PLCH2: variants seen among roughly 807,000 people sequenced by gnomAD.
PLCH2 encodes the protein 1-phosphatidylinositol 4,5-bisphosphate phosphodiesterase eta-2.
In PLCH2, 98 loss-of-function variants were observed where a neutral mutation model predicts 134.7. That is an observed-to-expected ratio of 0.73 (90% CI 0.62 to 0.86). PLCH2 has a LOEUF of 0.86. PLCH2 is among the 40% of genes least tolerant of loss of function. The pLI is 0.00. For synonymous variants in PLCH2, 974 were observed against 827.5 expected, an observed-to-expected ratio of 1.18 and a Z score of -3.04; for missense variants, 1,994 against 1,986.6, an observed-to-expected ratio of 1.00 and a Z score of -0.07.
Position 2,431,148 on chromosome 1 carries a change from G to A in PLCH2, c.115+519G>A, listed in dbSNP as rs1029237087. ...CTGGCTGCCCTGCGTGTGCGTGTGCGTGTGTGTGTGTGTGCACACCGCTAT... is the reference window on the plus strand; with the variant it reads ...CTGGCTGCCCTGCGTGTGCGTGTGCATGTGTGTGTGTGTGCACACCGCTAT... On this transcript the variant is annotated intron_variant, in intron 2 of 3. Transcript: ENST00000609981. Among the ~76,000 whole-genome samples the A allele has an allele frequency of 3.6e-4, 55 of 151,222 alleles. 1 individual carries two copies. Among genetic ancestry groups the A allele is most frequent in the African/African-American group, 1.0e-3 (41 of 41,090 alleles).
chr1:2,420,778 G>C, the PLCH2 span, among the ~76,000 whole-genome samples: 1 of 152,180 alleles, frequency 6.6e-6, no homozygotes, highest in African/African-American at 2.4e-5. Flanking sequence ...GTGAGTGATC[G>C]ATCGATTCAT....
chr1:2,499,894 C>T, intron 20 of PLCH2, 174 bp downstream of exon 20: 1 of 635,142 alleles, frequency 1.6e-6, no homozygotes, highest in Non-Finnish European at 2.8e-6. Context: ...GGGGGCCTGG[C>T]TCCTGAGCCA....
chr1:2,474,558 C>T (rs55817548), upstream of PLCH2, among the ~76,000 whole-genome samples: 668 of 149,576 alleles, frequency 4.5e-3, 5 homozygotes, highest in African/African-American at 0.015. Flanking sequence ...AGGCAGATGG[C>T]GGCCTCCAAG....
In PLCH2 at chr1:2,505,066, G is replaced by T. The variant is rs759697553; in HGVS notation, c.4104G>T (p.Arg1368=). 130 of 1,538,492 alleles carry T rather than the reference G, an allele frequency of 8.4e-5. No homozygotes were observed. The highest frequency in any genetic ancestry group is 1.1e-4 in the Non-Finnish European group (125 of 1,149,634). The change falls in exon 22 of 22, where the codon CGG becomes CGT. Residue 1368 remains arginine, a synonymous_variant. Coordinates refer to ENST00000378486, the MANE Select transcript of PLCH2 (RefSeq NM_014638.4). ...ERQQRLQGLG[R]QGPPEEERGT... ...AGCAGAGACTGCAGGGCCTGGGCCG[G>T]CAGGGACCCCCAGAAGAGGAGCGGG...
the PLCH2 span, among the ~76,000 whole-genome samples, chr1:2,418,930 G>A: frequency 6.6e-6 from 1 of 152,230 alleles, no homozygotes. Flanking sequence ...GGCTTATTGG[G>A]GTTGCAGCCA....
intron 21 of PLCH2, 199 bp from the exon 22 acceptor site, chr1:2,503,723 C>A: frequency 1.6e-6 from 1 of 622,292 alleles, no homozygotes; most frequent in Non-Finnish European, 2.9e-6. Flanking sequence ...GTGGACTGGG[C>A]CCCAGCAGCA....
At chr1:2,425,305 A>G (rs1458465737), upstream of PLCH2, among the ~76,000 whole-genome samples, 2 of 151,844 alleles carry the variant, frequency 1.3e-5, no homozygotes, top group East Asian at 1.9e-4. Flanking sequence ...AGATACACAT[A>G]TACATACACA....
chr1:2,484,303 T>G, intron 4 of PLCH2, 145 bp from the exon 5 acceptor site: 1 of 760,444 alleles, frequency 1.3e-6, no homozygotes, highest in Non-Finnish European at 2.1e-6. Flanking sequence ...TGGGGAGTGA[T>G]TGGAGGCCGT....
chr1:2,484,476 C>T lies in PLCH2; in HGVS notation c.674C>T (p.Thr225Met), dbSNP rs368274546. 4.1e-5 allele frequency: 66 copies of T among 1,613,136 alleles called. No individual in the cohort carries two copies. Among genetic ancestry groups the T allele is most frequent in the African/African-American group, 1.9e-4 (14 of 74,876 alleles). Residue 225 changes from threonine (T) to methionine (M), a missense_variant, in exon 5 of 22, where the codon ACG (threonine) becomes ATG (methionine). Coordinates refer to ENST00000378486, the MANE Select transcript of PLCH2 (RefSeq NM_014638.4). ...GCGGACACGGATGACCACCAAGGGA[C>T]GCTGGGTTTTGAAGAGTTCTGTGCC... ...READTDDHQGTLGFEEFCAFY... is the reference protein window; with the variant it reads ...READTDDHQGMLGFEEFCAFY...
intron 2 of PLCH2, among the ~76,000 whole-genome samples, chr1:2,441,604 G>A (rs1310623919): frequency 3.9e-5 from 6 of 152,240 alleles, no homozygotes; most frequent in African/African-American, 1.4e-4. Flanking sequence ...GGGAAGGAGA[G>A]GGAGGAGCGG....
chr1:2,455,210 G>A (rs1034535473), intron 2 of PLCH2, among the ~76,000 whole-genome samples: 1 of 152,210 alleles, frequency 6.6e-6, no homozygotes, highest in Admixed American at 6.5e-5. Flanking sequence ...TGGGACCCTC[G>A]GCTGTGGGAG....
At chr1:2,481,789 T>C (rs1474856222) in intron 4 of PLCH2, among the ~76,000 whole-genome samples, 2 of 152,204 alleles carry the variant, frequency 1.3e-5, no homozygotes, top group Non-Finnish European at 2.9e-5. Context: ...CGGCCCCAGT[T>C]TCAGAGCGCT....
intron 2 of PLCH2, among the ~76,000 whole-genome samples, chr1:2,433,935 G>T (rs1222907989): frequency 6.6e-6 from 1 of 152,202 alleles, no homozygotes; most frequent in African/African-American, 2.4e-5. Context: ...TTCCCCTGGA[G>T]CCCGGCTTTG....
At chr1:2,501,839 C>T (rs1643241210) in intron 20 of PLCH2, 1 of 425,568 alleles carries the variant, frequency 2.3e-6, no homozygotes, top group South Asian at 6.8e-5. Flanking sequence ...ATGCCCTGGA[C>T]AGGTCAGGCG....
intron 5 of PLCH2, among the ~76,000 whole-genome samples, chr1:2,485,108 C>T (rs982642115): frequency 6.6e-6 from 1 of 152,176 alleles, no homozygotes; most frequent in African/African-American, 2.4e-5. Context: ...TATCCACTCA[C>T]CTGTTTGTCC....
intron 1 of PLCH2, among the ~76,000 whole-genome samples, chr1:2,428,636 G>A (rs1406004695): frequency 1.3e-5 from 2 of 152,376 alleles, no homozygotes; most frequent in East Asian, 1.9e-4. Context: ...GCCCACGCCC[G>A]GCCCTTGCGC....
At chr1:2,472,421 G>A (rs565079889), upstream of PLCH2, among the ~76,000 whole-genome samples, 6 of 152,328 alleles carry the variant, frequency 3.9e-5, no homozygotes, top group East Asian at 1.9e-4. Context: ...GCACGGGAGG[G>A]GGATGCTGGG....
At chr1:2,427,215 C>T (rs1313746958) in intron 1 of PLCH2, among the ~76,000 whole-genome samples, 3 of 152,110 alleles carry the variant, frequency 2.0e-5, no homozygotes, top group Middle Eastern at 6.8e-3. Context: ...CTCCTGGGGG[C>T]GTTGAGGAGC....
intron 2 of PLCH2, among the ~76,000 whole-genome samples, chr1:2,450,385 T>C (rs542973355): frequency 1.8e-4 from 28 of 151,984 alleles, no homozygotes; most frequent in African/African-American, 6.5e-4. Flanking sequence ...CTACATGAAG[T>C]GAAGATGGGC....
Sources: gnomAD v4.1 joint callset for allele counts (sites outside exome capture counted in the v4.1 genomes callset) on GRCh38, gnomAD v4.1.1 for gene constraint, MANE v1.5 for transcripts, NCBI Gene and HGNC (gene_info 2026-07-23, HGNC 2026-07-21) for gene names.